ACTR3C: variants seen among roughly 807,000 people sequenced by gnomAD.
ACTR3C encodes actin related protein 3C.
In ACTR3C, 18 loss-of-function variants were observed where a neutral mutation model predicts 26.3. The ratio of observed to expected loss-of-function variants is 0.68; its 90% confidence interval spans 0.47 to 1.01. The LOEUF (loss-of-function observed/expected upper bound fraction) is 1.01. Ranked by LOEUF, ACTR3C falls within the 50% of genes least tolerant of loss-of-function variation. The probability of loss-of-function intolerance (pLI) is 0.00; values close to 1 mark genes in which losing one functional copy is unlikely to be tolerated. For missense variants in ACTR3C, 184 were observed against 250.7 expected, an observed-to-expected ratio of 0.73 and a Z score of 1.80; for synonymous variants, 55 against 94.5, an observed-to-expected ratio of 0.58 and a Z score of 2.42.
At chr7:150,120,122 T>A in the ACTR3C span, among the ~76,000 whole-genome samples, 1 of 151,904 alleles carries the variant, frequency 6.6e-6, no homozygotes, top group Non-Finnish European at 1.5e-5. Flanking sequence ...AACACCCACA[T>A]GAGAAAGCAA....
At chr7:150,254,575 C>T (rs1184847596) in intron 6 of ACTR3C, among the ~76,000 whole-genome samples, 2 of 152,290 alleles carry the variant, frequency 1.3e-5, no homozygotes, top group African/African-American at 4.8e-5. Flanking sequence ...CATGAGACAC[C>T]AGACTCATCA....
chr7:150,259,457 T>C (rs1282137886), intron 6 of ACTR3C, among the ~76,000 whole-genome samples: 2 of 152,232 alleles, frequency 1.3e-5, no homozygotes, highest in Non-Finnish European at 2.9e-5. Flanking sequence ...TATTTTTCTG[T>C]TAGCTTGTTT....
the ACTR3C span, among the ~76,000 whole-genome samples, chr7:150,223,991 G>A: frequency 6.6e-6 from 1 of 152,194 alleles, no homozygotes; most frequent in African/African-American, 2.4e-5. Context: ...TGTTGCCACT[G>A]GTCAGAGGAT....
intron 6 of ACTR3C, among the ~76,000 whole-genome samples, chr7:150,255,706 G>T (rs951760006): frequency 6.6e-6 from 1 of 152,126 alleles, no homozygotes; most frequent in African/African-American, 2.4e-5. Context: ...CAGCAAGAGA[G>T]AAGTATTTTC....
chr7:150,038,948 C>G, the ACTR3C span, among the ~76,000 whole-genome samples: 28 of 84,828 alleles, frequency 3.3e-4, no homozygotes, highest in East Asian at 5.1e-4. Context: ...GCTCTCAGTC[C>G]CCACTCTTGT....
the ACTR3C span, among the ~76,000 whole-genome samples, chr7:149,991,461 C>T: frequency 1.8e-4 from 28 of 152,336 alleles, no homozygotes; most frequent in Non-Finnish European, 3.7e-4. Flanking sequence ...GCTCTGGTCA[C>T]ACAGAATCAG....
chr7:149,977,129 A>G, the ACTR3C span, among the ~76,000 whole-genome samples: 3 of 151,820 alleles, frequency 2.0e-5, no homozygotes, highest in East Asian at 3.9e-4. Flanking sequence ...CTTTCTCACC[A>G]TCTATACTCC....
the ACTR3C span, among the ~76,000 whole-genome samples, chr7:149,882,756 A>T: frequency 7.1e-3 from 1,088 of 152,346 alleles, 11 homozygotes; most frequent in African/African-American, 0.025. Context: ...AGCTCCATTC[A>T]GATCTGTGCA....
At chr7:150,204,554 G>A in the ACTR3C span, among the ~76,000 whole-genome samples, 1 of 152,032 alleles carries the variant, frequency 6.6e-6, no homozygotes, top group Admixed American at 6.5e-5. Context: ...GCGGCTTTGT[G>A]TATTTGTCAC....
chr7:150,058,339 A>G, the ACTR3C span, among the ~76,000 whole-genome samples: 2 of 152,200 alleles, frequency 1.3e-5, no homozygotes, highest in African/African-American at 4.8e-5. Flanking sequence ...ACCTGCTTGT[A>G]TGGCCAACCT....
the ACTR3C span, among the ~76,000 whole-genome samples, chr7:149,915,780 C>T: frequency 6.6e-6 from 1 of 150,568 alleles, no homozygotes; most frequent in East Asian, 1.9e-4. Flanking sequence ...AGGAACCTAC[C>T]CCACATAAGT....
chr7:150,020,086 A>C, the ACTR3C span, among the ~76,000 whole-genome samples: 1 of 152,148 alleles, frequency 6.6e-6, no homozygotes, highest in Admixed American at 6.5e-5. Context: ...GTACAGAGTT[A>C]CAATCACTAC....
chr7:150,264,684 T>G (rs1264327710), intron 6 of ACTR3C: 1 of 960,098 alleles, frequency 1.0e-6, no homozygotes, highest in East Asian at 1.2e-4. Context: ...CAGTTGCAGG[T>G]GGTGGATAAG....
At chr7:150,025,499 C>A in the ACTR3C span, among the ~76,000 whole-genome samples, 144,347 of 152,072 alleles carry the variant, frequency 0.95, 68,760 homozygotes, top group East Asian at 1. Context: ...TGAAGAAAGA[C>A]GAAAGCCCCC....
the ACTR3C span, among the ~76,000 whole-genome samples, chr7:150,034,612 G>A: frequency 6.6e-6 from 1 of 151,650 alleles, no homozygotes; most frequent in South Asian, 2.1e-4. Context: ...CAAATAACCT[G>A]CTTTCTTTCT....
the ACTR3C span, among the ~76,000 whole-genome samples, chr7:150,220,990 C>T: frequency 6.6e-6 from 1 of 152,262 alleles, no homozygotes; most frequent in African/African-American, 2.4e-5. Context: ...CGGGAGGTGG[C>T]ATAAGAGGTT....
the ACTR3C span, among the ~76,000 whole-genome samples, chr7:150,056,199 A>C: frequency 6.6e-6 from 1 of 152,218 alleles, no homozygotes; most frequent in Non-Finnish European, 1.5e-5. Flanking sequence ...ATCAGTATAC[A>C]CACAATAGAT....
the ACTR3C span, among the ~76,000 whole-genome samples, chr7:150,132,506 C>T: frequency 3.3e-5 from 5 of 152,148 alleles, no homozygotes; most frequent in Non-Finnish European, 5.9e-5. Context: ...TGAAAAAATG[C>T]TGAACATCAC....
At chr7:150,285,572 G>T (rs191399040) in intron 5 of ACTR3C, among the ~76,000 whole-genome samples, 19 of 152,272 alleles carry the variant, frequency 1.2e-4, no homozygotes, top group African/African-American at 3.6e-4. Flanking sequence ...ACTATTAAAA[G>T]TGAGCATTCA....
Sources: gnomAD v4.1 joint callset for allele counts (sites outside exome capture counted in the v4.1 genomes callset) on GRCh38, gnomAD v4.1.1 for gene constraint, MANE v1.5 for transcripts, NCBI Gene and HGNC (gene_info 2026-07-23, HGNC 2026-07-21) for gene names.